Variants in SH3TC2 observed in about 807,000 individuals in gnomAD.
SH3TC2 encodes the protein SH3 domain and tetratricopeptide repeats 2.
A neutral mutation model predicts 124.5 loss-of-function variants in SH3TC2; 87 were observed. That is an observed-to-expected ratio of 0.70 (90% CI 0.59 to 0.84). The LOEUF (loss-of-function observed/expected upper bound fraction) is 0.84. Among genes scored for constraint, SH3TC2 ranks in the 40% least tolerant of loss-of-function variants. The pLI is 0.00. For synonymous variants in SH3TC2, 634 were observed against 628.5 expected, an observed-to-expected ratio of 1.01 and a Z score of -0.13; for missense variants, 1,536 against 1,566.4, an observed-to-expected ratio of 0.98 and a Z score of 0.33.
In SH3TC2 at chr5:148,997,567, T is replaced by G. The variant is rs1310148506; in HGVS notation, c.*7144A>C. ...GATTGATTCAATTACACCAGAATGA[T>G]TGTGTTGATTTCAGCCCAGTATTTC... On this transcript the variant is annotated 3_prime_UTR_variant, in exon 17 of 17. Transcript: ENST00000515425. Among the ~76,000 whole-genome samples the G allele has an allele frequency of 6.6e-6, 1 of 152,194 alleles. No homozygotes were observed. The highest frequency in any genetic ancestry group is 1.5e-5 in the Non-Finnish European group (1 of 68,026).
chr5:149,036,002 T>C (rs1453091582), intron 8 of SH3TC2: 1 of 152,154 alleles, frequency 6.6e-6, no homozygotes, highest in East Asian at 1.9e-4. Context: ...TAAGAACAAG[T>C]GCCTGTGGAT....
rs1268462982 is a variant in SH3TC2 at position 149,002,373 on chromosome 5, CA to C, written c.*2337del. The stretch of plus-strand genomic sequence containing the variant: ...CGTCCCTCCCAGCTTGGGGCTTTTA[CA>C]GCTTGTGGTGGGGGCAAAACCACAT... On this transcript the variant is annotated 3_prime_UTR_variant, in exon 17 of 17. Coordinates refer to ENST00000515425, the MANE Select transcript of SH3TC2 (RefSeq NM_024577.4). The C allele has an allele frequency of 6.5e-6, 1 of 152,684 alleles. No individual in the cohort carries two copies. The highest frequency in any genetic ancestry group is 1.5e-5 in the Non-Finnish European group (1 of 68,070). 9.5% of individuals were successfully genotyped at this position (152,684 alleles called of 1,614,324 possible).
At chr5:149,040,521 A>G in intron 7 of SH3TC2, 83 bp downstream of exon 7, 2 of 1,306,228 alleles carry the variant, frequency 1.5e-6, no homozygotes, top group Non-Finnish European at 2.2e-6. Flanking sequence ...ATTCACATCA[A>G]CTGACTCCAA....
intron 12 of SH3TC2, among the ~76,000 whole-genome samples, chr5:149,015,138 C>T (rs1675811687): frequency 6.6e-6 from 1 of 152,188 alleles, no homozygotes; most frequent in African/African-American, 2.4e-5. Flanking sequence ...AATGCCCCAT[C>T]AGGGGAAGAC....
At chr5:149,019,862 C>T (rs1050369788) in intron 12 of SH3TC2, among the ~76,000 whole-genome samples, 12 of 152,086 alleles carry the variant, frequency 7.9e-5, no homozygotes, top group Admixed American at 2.6e-4. Context: ...ACCTAGCAAC[C>T]ACTGAAGGAG....
chr5:149,024,900 T>C (rs1298337304), intron 12 of SH3TC2, among the ~76,000 whole-genome samples: 1 of 151,952 alleles, frequency 6.6e-6, no homozygotes, highest in African/African-American at 2.4e-5. Context: ...GCATCTGGAG[T>C]GGGGAGCTGG....
At chr5:149,049,379 A>G (rs1754519161) in intron 2 of SH3TC2, among the ~76,000 whole-genome samples, 1 of 152,200 alleles carries the variant, frequency 6.6e-6, no homozygotes, top group African/African-American at 2.4e-5. Context: ...GCCCCTCAAT[A>G]AATGTGCCAC....
At chr5:149,023,419 T>C (rs1419776914) in intron 12 of SH3TC2, among the ~76,000 whole-genome samples, 41 of 152,112 alleles carry the variant, frequency 2.7e-4, no homozygotes, top group Admixed American at 2.7e-3. Context: ...TAATATTTAT[T>C]TAAGATAGAA....
At chr5:149,039,726 CCAAGATCA>C (rs1754338085) in intron 7 of SH3TC2, among the ~76,000 whole-genome samples, 1 of 152,108 alleles carries the variant, frequency 6.6e-6, no homozygotes, top group Admixed American at 6.5e-5. Flanking sequence ...GGTGGATTGG[CCAAGATCA>C]CACTGGTTTT....
At chr5:149,030,240 A>G (rs1320221815) in intron 9 of SH3TC2, among the ~76,000 whole-genome samples, 1 of 152,200 alleles carries the variant, frequency 6.6e-6, no homozygotes, top group Admixed American at 6.5e-5. Context: ...ACAAAGGGCC[A>G]TCCTTCCCTA....
In SH3TC2 at chr5:148,993,782, G is replaced by T. The variant is rs1753459069; in HGVS notation, c.*10929C>A. On this transcript the variant is annotated 3_prime_UTR_variant, in exon 17 of 17. Coordinates refer to ENST00000515425, the MANE Select transcript of SH3TC2 (RefSeq NM_024577.4). ...CTTGAATAGCCAAGCATCTAGCCCA[G>T]ATTACATTCCTCTAAGCATGCCTTA... 6.6e-6 allele frequency among the ~76,000 whole-genome samples: 1 copy of T among 152,170 alleles called. No homozygotes were observed. Among genetic ancestry groups the T allele is most frequent in the African/African-American group, 2.4e-5 (1 of 41,430 alleles).
intron 9 of SH3TC2, among the ~76,000 whole-genome samples, chr5:149,028,948 G>A (rs189067506): frequency 1.1e-4 from 17 of 149,098 alleles, no homozygotes; most frequent in Middle Eastern, 3.5e-3. Context: ...CAAGGTATAC[G>A]TGAAACTCAG....
intron 2 of SH3TC2, among the ~76,000 whole-genome samples, chr5:149,048,387 T>G (rs1754503619): frequency 6.6e-6 from 1 of 152,254 alleles, no homozygotes; most frequent in Non-Finnish European, 1.5e-5. Flanking sequence ...GGAAATGTAC[T>G]TATGTGTCAA....
rs1368236862 is a variant in SH3TC2 at position 148,986,827 on chromosome 5, A to C, written c.*17884T>G. On this transcript the variant is annotated 3_prime_UTR_variant, in exon 17 of 17. Coordinates refer to ENST00000515425, the MANE Select transcript of SH3TC2 (RefSeq NM_024577.4). ...CTGTTCTGTCTTGCTCCTCCAAGGG[A>C]CACGTTGTATAAACAGCATCAAGTG... Among the ~76,000 whole-genome samples, 1 of 152,164 alleles carries C rather than the reference A, an allele frequency of 6.6e-6. No homozygotes were observed. Among genetic ancestry groups the C allele is most frequent in the Non-Finnish European group, 1.5e-5 (1 of 68,040 alleles).
At position 149,037,404 on chromosome 5, in the gene SH3TC2, A is replaced by T. The variant is rs1001253535; in HGVS notation, c.1001+891T>A. Among the ~76,000 whole-genome samples the T allele has an allele frequency of 5.3e-5, 8 of 152,154 alleles. 1 individual carries two copies. Among genetic ancestry groups the T allele is most frequent in the Admixed American group, 3.9e-4 (6 of 15,274 alleles). ...ACTCCCACATTTCTACATAGAAAAA[A>T]AATAACCTTCTGTCTCCTCCTCTCC... On this transcript the variant is annotated intron_variant, in intron 8 of 16. Transcript: ENST00000515425.
At chr5:149,044,265 C>T in intron 4 of SH3TC2, 1 of 411,628 alleles carries the variant, frequency 2.4e-6, no homozygotes, top group Non-Finnish European at 4.6e-6. Context: ...TGACCAATAA[C>T]TGTTTTCCAA....
intron 1 of SH3TC2, among the ~76,000 whole-genome samples, chr5:149,062,733 A>G (rs568840700): frequency 6.6e-6 from 1 of 152,314 alleles, no homozygotes; most frequent in South Asian, 2.1e-4. Context: ...TCAGCTCCTG[A>G]CAGAGTAAAC....
rs2127386684 is a variant in SH3TC2, at chr5:148,984,036, G to C, written c.*20675C>G. Among the ~76,000 whole-genome samples, 1 of 152,250 alleles carries C rather than the reference G, an allele frequency of 6.6e-6. No homozygotes were observed. Among genetic ancestry groups the C allele is most frequent in the Middle Eastern group, 3.4e-3 (1 of 294 alleles). On this transcript the variant is annotated 3_prime_UTR_variant, in exon 17 of 17. Transcript: ENST00000515425. ...CACCTTCTGTTTCTCAAAGTGAAAAGAACCTGCATACAACTTCTTGTACAT... is the reference window on the plus strand; with the variant it reads ...CACCTTCTGTTTCTCAAAGTGAAAACAACCTGCATACAACTTCTTGTACAT...
chr5:149,007,007 C>T lies in SH3TC2; in HGVS notation c.3549G>A (p.Glu1183=), dbSNP rs749235873. ...TCTTCAGGTAGCAGTCCTCAGCCAT[C>T]TCATACATGTGCAGGGAGTAGTACA... ...ATVYYSLHMY[E]MAEDCYLKTL... Residue 1183 remains glutamate (E), a synonymous_variant, in exon 16 of 17, where the codon GAG becomes GAA. Transcript: ENST00000515425. 9 of 1,614,228 alleles carry T rather than the reference C, an allele frequency of 5.6e-6. No individual in the cohort carries two copies. The highest frequency in any genetic ancestry group is 7.6e-6 in the Non-Finnish European group (9 of 1,180,048).
Sources: allele counts gnomAD v4.1 joint callset (sites outside exome capture counted in the v4.1 genomes callset), GRCh38; gene constraint gnomAD v4.1.1; transcripts MANE v1.5; gene names NCBI Gene and HGNC (gene_info 2026-07-23, HGNC 2026-07-21).